ERC2: variants seen among roughly 807,000 people sequenced by gnomAD.
ERC2 encodes ERC protein 2.
Under a neutral mutation model 114.8 loss-of-function variants are expected in ERC2, and 42 were observed. The observed-to-expected ratio is 0.37, with a 90% CI of 0.29 to 0.47. ERC2 has a LOEUF of 0.47. Among genes scored for constraint, ERC2 ranks in the 20% least tolerant of loss-of-function variants. ERC2 has a pLI of 0.99. For synonymous variants in ERC2, 454 were observed against 425.5 expected, an observed-to-expected ratio of 1.07 and a Z score of -0.82; for missense variants, 939 against 1,150.7, an observed-to-expected ratio of 0.82 and a Z score of 2.66.
At chr3:55,880,857 T>G (rs1019343265) in intron 14 of ERC2, among the ~76,000 whole-genome samples, 2 of 151,824 alleles carry the variant, frequency 1.3e-5, no homozygotes, top group Non-Finnish European at 2.9e-5. Context: ...AAAGACAGGA[T>G]TAGTGTATGC....
chr3:55,619,581 T>C (rs1038763825), intron 17 of ERC2, among the ~76,000 whole-genome samples: 1 of 152,184 alleles, frequency 6.6e-6, no homozygotes, highest in Admixed American at 6.5e-5. Flanking sequence ...ACGATAATAA[T>C]AAAACCAAAA....
At chr3:56,160,999 A>T (rs1009470703) in intron 4 of ERC2, among the ~76,000 whole-genome samples, 1 of 152,146 alleles carries the variant, frequency 6.6e-6, no homozygotes, top group African/African-American at 2.4e-5. Flanking sequence ...ACGATTCCCA[A>T]TGTTGGAGGT....
intron 7 of ERC2, among the ~76,000 whole-genome samples, chr3:56,054,933 G>A (rs938704911): frequency 4.6e-5 from 7 of 152,116 alleles, no homozygotes; most frequent in African/African-American, 9.7e-5. Flanking sequence ...GATCTGACAT[G>A]GGCCAAATGT....
intron 2 of ERC2, among the ~76,000 whole-genome samples, chr3:56,356,511 C>T (rs575492486): frequency 3.9e-5 from 6 of 152,300 alleles, no homozygotes; most frequent in African/African-American, 7.2e-5. Flanking sequence ...CATTCACATC[C>T]GACTCCTGAG....
intron 17 of ERC2, among the ~76,000 whole-genome samples, chr3:55,599,245 G>A (rs2058290999): frequency 6.6e-6 from 1 of 152,170 alleles, no homozygotes; most frequent in South Asian, 2.1e-4. Context: ...TATGGACTGA[G>A]CCTGATTCCT....
At chr3:55,881,824 A>G (rs1444938587) in intron 14 of ERC2, among the ~76,000 whole-genome samples, 1 of 152,248 alleles carries the variant, frequency 6.6e-6, no homozygotes, top group Admixed American at 6.5e-5. Context: ...TTGAACAATT[A>G]TGAAATGTTT....
intron 2 of ERC2, among the ~76,000 whole-genome samples, chr3:56,297,560 C>T (rs1576323948): frequency 6.6e-6 from 1 of 152,206 alleles, no homozygotes; most frequent in East Asian, 1.9e-4. Flanking sequence ...GGACAAACCC[C>T]CAGGCTGGTC....
At chr3:55,827,393 A>C (rs1257880780) in intron 14 of ERC2, among the ~76,000 whole-genome samples, 8 of 151,924 alleles carry the variant, frequency 5.3e-5, no homozygotes, top group Admixed American at 2.6e-4. Flanking sequence ...AGAAAAAGAT[A>C]AAGAGAGAAA....
chr3:56,119,718 C>G (rs529344495), intron 6 of ERC2, among the ~76,000 whole-genome samples: 1 of 152,156 alleles, frequency 6.6e-6, no homozygotes, highest in Non-Finnish European at 1.5e-5. Context: ...ATAGTTGGAA[C>G]TCAATAAATA....
At chr3:56,441,311 C>T (rs934316107) in intron 1 of ERC2, among the ~76,000 whole-genome samples, 5 of 152,110 alleles carry the variant, frequency 3.3e-5, no homozygotes, top group African/African-American at 9.7e-5. Flanking sequence ...GCCCAGCCAC[C>T]GTCTTTAATC....
chr3:55,762,694 C>T (rs575249366), intron 14 of ERC2, among the ~76,000 whole-genome samples: 3 of 152,242 alleles, frequency 2.0e-5, no homozygotes, highest in Admixed American at 1.3e-4. Flanking sequence ...CTGACAGACC[C>T]ATGCACTCAG....
intron 7 of ERC2, among the ~76,000 whole-genome samples, chr3:56,033,015 G>T (rs542368052): frequency 3.0e-5 from 3 of 98,796 alleles, no homozygotes; most frequent in African/African-American, 1.2e-4. Context: ...AAGAAAGAAA[G>T]AAAGAAAAAA....
At chr3:55,882,009 G>A (rs1310953267) in intron 14 of ERC2, among the ~76,000 whole-genome samples, 4 of 152,204 alleles carry the variant, frequency 2.6e-5, no homozygotes, top group Non-Finnish European at 5.9e-5. Flanking sequence ...GAAGGGTATT[G>A]CTGTGGTTTG....
chr3:55,881,443 GA>G (rs1478518361), intron 14 of ERC2, among the ~76,000 whole-genome samples: 1 of 152,160 alleles, frequency 6.6e-6, no homozygotes, highest in East Asian at 1.9e-4. Context: ...ATAAGCATAG[GA>G]AATCACCACA....
intron 17 of ERC2, among the ~76,000 whole-genome samples, chr3:55,615,441 C>G (rs779754137): frequency 2.6e-5 from 4 of 152,174 alleles, no homozygotes; most frequent in Non-Finnish European, 4.4e-5. Context: ...CTGCACAGCC[C>G]TCTTGTCCTT....
chr3:55,948,317 G>A (rs1302168842), intron 13 of ERC2, among the ~76,000 whole-genome samples: 1 of 152,178 alleles, frequency 6.6e-6, no homozygotes, highest in Non-Finnish European at 1.5e-5. Flanking sequence ...ATTAACAGGT[G>A]CCAATGCCAC....
intron 10 of ERC2, among the ~76,000 whole-genome samples, chr3:55,999,980 A>T (rs2071904672): frequency 1.3e-5 from 2 of 151,864 alleles, no homozygotes; most frequent in Admixed American, 1.3e-4. Context: ...TTAAAAATAT[A>T]ATAAAGATAC....
rs1175331078 is a variant in ERC2 at position 56,236,191 on chromosome 3, T to TA, written c.1074+59827dup. 9.2e-5 allele frequency among the ~76,000 whole-genome samples: 14 copies of TA among 151,712 alleles called. No individual in the cohort carries two copies. In the East Asian group the frequency reaches 1.7e-3, roughly 19 times the overall value. On this transcript the variant is annotated intron_variant, in intron 3 of 17. Coordinates refer to ENST00000288221, the MANE Select transcript of ERC2 (RefSeq NM_015576.3). ...CTTAGCTCACTTCATCTCTCCTTAT[T>TA]AAAAAAAAATTAAATCCTTGGTCAG...
intron 2 of ERC2, among the ~76,000 whole-genome samples, chr3:56,409,320 G>C (rs2060849509): frequency 6.6e-6 from 1 of 152,084 alleles, no homozygotes; most frequent in African/African-American, 2.4e-5. Flanking sequence ...TGCCAGCCAA[G>C]TCAGTCATCC....
Sources: allele counts gnomAD v4.1 joint callset (sites outside exome capture counted in the v4.1 genomes callset), GRCh38; gene constraint gnomAD v4.1.1; transcripts MANE v1.5; gene names NCBI Gene and HGNC (gene_info 2026-07-23, HGNC 2026-07-21).